The following AGBL1 variants were observed in gnomAD, a reference collection of about 807,000 sequenced individuals.
AGBL1 encodes cytosolic carboxypeptidase 4.
Under a neutral mutation model 118.9 loss-of-function variants are expected in AGBL1, and 130 were observed. The observed-to-expected ratio is 1.09, with a 90% CI of 0.95 to 1.26. The LOEUF is 1.26. Among genes scored for constraint, AGBL1 ranks in the 50% most tolerant of loss-of-function variants. The pLI is 0.00. For synonymous variants in AGBL1, 555 were observed against 478.9 expected, an observed-to-expected ratio of 1.16 and a Z score of -2.08; for missense variants, 1,584 against 1,298.1, an observed-to-expected ratio of 1.22 and a Z score of -3.38.
chr15:86,826,970 A>G (rs2079019607), intron 22 of AGBL1, among the ~76,000 whole-genome samples: 1 of 151,934 alleles, frequency 6.6e-6, no homozygotes, highest in East Asian at 2.0e-4. Flanking sequence ...AGAAGTTTGT[A>G]GCAATGTCTG....
chr15:86,215,554 C>T (rs1187749929), intron 5 of AGBL1, among the ~76,000 whole-genome samples: 1 of 152,098 alleles, frequency 6.6e-6, no homozygotes, highest in African/African-American at 2.4e-5. Context: ...TGGTGTTGGA[C>T]AGCAGGTGTT....
At chr15:86,563,012 C>T (rs529056051) in intron 21 of AGBL1, among the ~76,000 whole-genome samples, 3,413 of 151,928 alleles carry the variant, frequency 0.022, 61 homozygotes, top group Middle Eastern at 0.075. Flanking sequence ...TTTTTTATTG[C>T]GTTTATTTGA....
rs79215180 is a variant in AGBL1 at position 86,645,170 on chromosome 15, A to G, written c.2995-29103A>G. Among the ~76,000 whole-genome samples the G allele has an allele frequency of 5.2e-3, 787 of 152,376 alleles. 4 individuals carry two copies. The highest frequency in any genetic ancestry group is 0.018 in the African/African-American group (755 of 41,594). On this transcript the variant is annotated intron_variant, in intron 21 of 22. Transcript: ENST00000614907. ...TTTTATTGTGAAATGGTGTGGTTAT[A>G]TAGAAGAATATTCTTGATCTTAGAT...
chr15:86,132,769 A>G (rs183662227), intron 1 of AGBL1, among the ~76,000 whole-genome samples: 112 of 152,260 alleles, frequency 7.4e-4, no homozygotes, highest in East Asian at 4.4e-3. Context: ...AGGATTCAAA[A>G]TTGTTTCTGC....
intron 5 of AGBL1, among the ~76,000 whole-genome samples, chr15:86,205,633 G>T (rs1280505097): frequency 6.6e-6 from 1 of 152,132 alleles, no homozygotes; most frequent in Admixed American, 6.5e-5. Flanking sequence ...TCAGTGATCT[G>T]GATTGTAGTC....
chr15:86,989,971 G>GC, intron 24 of AGBL1, among the ~76,000 whole-genome samples: 1 of 152,284 alleles, frequency 6.6e-6, no homozygotes, highest in East Asian at 1.9e-4. Context: ...AGACACAGCA[G>GC]CATATCTGAC....
intron 22 of AGBL1, among the ~76,000 whole-genome samples, chr15:86,722,523 C>T (rs1423746890): frequency 6.6e-6 from 1 of 152,202 alleles, no homozygotes; most frequent in Non-Finnish European, 1.5e-5. Flanking sequence ...GGATTAAAGA[C>T]TTAAATGTTA....
At chr15:86,966,787 C>G (rs1596685089) in intron 23 of AGBL1, among the ~76,000 whole-genome samples, 2 of 152,050 alleles carry the variant, frequency 1.3e-5, no homozygotes. Flanking sequence ...AATAAACATA[C>G]CTGTGCATGT....
chr15:86,147,749 G>A (rs1349504083), intron 3 of AGBL1, among the ~76,000 whole-genome samples: 3 of 152,198 alleles, frequency 2.0e-5, no homozygotes, highest in Non-Finnish European at 4.4e-5. Flanking sequence ...TCTGAAGAGA[G>A]CAATGGTTCT....
intron 23 of AGBL1, among the ~76,000 whole-genome samples, chr15:86,986,233 A>ATTGT: frequency 6.6e-6 from 1 of 152,164 alleles, no homozygotes; most frequent in Non-Finnish European, 1.5e-5. Flanking sequence ...CAGGATATCA[A>ATTGT]TTGTTAGAGT....
chr15:87,006,481 C>T (rs139567245), intron 24 of AGBL1, among the ~76,000 whole-genome samples: 213 of 152,286 alleles, frequency 1.4e-3, no homozygotes, highest in African/African-American at 4.8e-3. Flanking sequence ...GGGCATGGTA[C>T]CCTCCGAGCC....
chr15:86,669,405 G>A (rs1181196859), intron 21 of AGBL1, among the ~76,000 whole-genome samples: 1 of 152,050 alleles, frequency 6.6e-6, no homozygotes, highest in African/African-American at 2.4e-5. Flanking sequence ...AAGAAAGTAA[G>A]GTTAAGAGAT....
At chr15:86,931,566 T>TTGC (rs59067780) in intron 23 of AGBL1, among the ~76,000 whole-genome samples, 1,926 of 150,508 alleles carry the variant, frequency 0.013, 27 homozygotes, top group East Asian at 0.033. Flanking sequence ...AGTGGTGCTT[T>TTGC]TGCTGCTGCT....
At chr15:86,982,819 T>G (rs2701431) in intron 23 of AGBL1, among the ~76,000 whole-genome samples, 65,809 of 152,030 alleles carry the variant, frequency 0.43, 16,885 homozygotes, top group Non-Finnish European at 0.58. Context: ...CTGGTCAAAG[T>G]AGGCTATGAG....
intron 21 of AGBL1, among the ~76,000 whole-genome samples, chr15:86,561,536 AT>A (rs1567058524): frequency 1.3e-5 from 2 of 152,190 alleles, no homozygotes; most frequent in Non-Finnish European, 2.9e-5. Flanking sequence ...TACCAGTACC[AT>A]GCTGTTTTTG....
chr15:86,928,504 T>C (rs1484916595), intron 23 of AGBL1, among the ~76,000 whole-genome samples: 1 of 152,178 alleles, frequency 6.6e-6, no homozygotes, highest in Non-Finnish European at 1.5e-5. Flanking sequence ...CTGGAGCATT[T>C]ATTTGAGTCT....
intron 18 of AGBL1, among the ~76,000 whole-genome samples, chr15:86,419,696 C>A (rs2081759443): frequency 6.6e-6 from 1 of 152,166 alleles, no homozygotes; most frequent in Non-Finnish European, 1.5e-5. Flanking sequence ...TGGAGCCTAG[C>A]AAGCTAAGAT....
intron 17 of AGBL1, among the ~76,000 whole-genome samples, chr15:86,300,562 G>C (rs2079729631): frequency 6.6e-6 from 1 of 152,164 alleles, no homozygotes; most frequent in Non-Finnish European, 1.5e-5. Context: ...GTGGCTGGGA[G>C]GGGGTGGATA....
chr15:86,080,316 C>G (rs1895180624), intron 1 of AGBL1: 1 of 272,196 alleles, frequency 3.7e-6, no homozygotes, highest in Admixed American at 5.3e-5. Flanking sequence ...GGAGAAAAAG[C>G]CTGTTTGGCA....
Sources: gnomAD v4.1 joint callset for allele counts (sites outside exome capture counted in the v4.1 genomes callset) on GRCh38, gnomAD v4.1.1 for gene constraint, MANE v1.5 for transcripts, NCBI Gene and HGNC (gene_info 2026-07-23, HGNC 2026-07-21) for gene names.